Variants in MIS18BP1 observed in about 807,000 individuals in gnomAD.
MIS18BP1 encodes mis18-binding protein 1.
MIS18BP1 carries 72 observed loss-of-function variants against 116.1 expected under a neutral mutation model. That is an observed-to-expected ratio of 0.62 (90% CI 0.51 to 0.75). The LOEUF (loss-of-function observed/expected upper bound fraction) is 0.75, where lower values mean the gene tolerates loss of function less well. Ranked by LOEUF, MIS18BP1 falls within the 30% of genes least tolerant of loss-of-function variation. The probability of loss-of-function intolerance (pLI) is 0.00; values close to 1 mark genes in which losing one functional copy is unlikely to be tolerated. For missense variants in MIS18BP1, 1,363 were observed against 1,303.2 expected (o/e 1.05, Z -0.71); for synonymous variants, 386 against 427.0 (o/e 0.90, Z 1.18).
At chr14:45,248,055 G>A (rs929615461) in intron 1 of MIS18BP1, among the ~76,000 whole-genome samples, 5 of 109,216 alleles carry the variant, frequency 4.6e-5, no homozygotes, top group South Asian at 3.1e-4. Context: ...TGTTTCTTTC[G>A]TTTTTTTTTT....
rs1349932795 is a variant in MIS18BP1, at chr14:45,249,617, T to C, written c.-91-2240A>G. ...TGAGCACAGTGGCTCACGCCTATAA[T>C]CCCAGCACTTTGGGAGGCCAAGGCA... On this transcript the variant is annotated intron_variant, in intron 1 of 16. Coordinates refer to ENST00000310806, the MANE Select transcript of MIS18BP1 (RefSeq NM_018353.5). Among the ~76,000 whole-genome samples the C allele has an allele frequency of 3.3e-5, 5 of 151,794 alleles. No homozygotes were observed. In the East Asian group the frequency reaches 9.9e-4, roughly 30 times the overall value.
chr14:45,216,281 T>C (rs1362424341), intron 13 of MIS18BP1, among the ~76,000 whole-genome samples: 1 of 152,218 alleles, frequency 6.6e-6, no homozygotes, highest in Non-Finnish European at 1.5e-5. Flanking sequence ...AAAGGTACAA[T>C]TCAATTTGTA....
chr14:45,216,620 T>A (rs941688976), intron 13 of MIS18BP1, among the ~76,000 whole-genome samples: 3 of 152,226 alleles, frequency 2.0e-5, no homozygotes, highest in South Asian at 4.1e-4. Context: ...GTTATTCTAC[T>A]CTTCATATGA....
rs893448663 is a variant in MIS18BP1 at position 45,203,963 on chromosome 14, T to C, written c.*146A>G. 13 of 1,215,268 alleles carry C rather than the reference T, an allele frequency of 1.1e-5. No individual in the cohort carries two copies. The highest frequency in any genetic ancestry group is 1.8e-5 in the South Asian group (1 of 55,522). The allele number at this position is 1,215,268 out of a possible 1,614,324, so 75.3% of individuals were successfully genotyped here. On this transcript the variant is annotated 3_prime_UTR_variant, in exon 17 of 17. Coordinates refer to ENST00000310806, the MANE Select transcript of MIS18BP1 (RefSeq NM_018353.5). The stretch of plus-strand genomic sequence containing the variant: ...AGCTGCAGCAATGAGGATATTTTAC[T>C]TTGAACACAAACATATGAAACCTTC...
At chr14:45,229,024 G>C (rs1005438750) in intron 8 of MIS18BP1, among the ~76,000 whole-genome samples, 3 of 150,848 alleles carry the variant, frequency 2.0e-5, no homozygotes, top group Non-Finnish European at 4.4e-5. Flanking sequence ...GTGATATGAA[G>C]ATAGTGTCTA....
intron 2 of MIS18BP1, among the ~76,000 whole-genome samples, chr14:45,246,432 T>C (rs1891723372): frequency 1.3e-5 from 2 of 152,212 alleles, no homozygotes; most frequent in South Asian, 4.1e-4. Flanking sequence ...TTCAATTTTG[T>C]GGGCTCAAAT....
At chr14:45,250,835 A>T (rs1338507012) in intron 1 of MIS18BP1, among the ~76,000 whole-genome samples, 1 of 152,162 alleles carries the variant, frequency 6.6e-6, no homozygotes, top group Admixed American at 6.5e-5. Context: ...CAGGAGATGG[A>T]GACCATCCTG....
chr14:45,247,241 C>T lies in MIS18BP1; in HGVS notation c.46G>A (p.Glu16Lys), dbSNP rs777096351. The T allele has an allele frequency of 1.9e-6, 3 of 1,596,982 alleles. No individual in the cohort carries two copies. Among genetic ancestry groups the T allele is most frequent in the East Asian group, 4.5e-5 (2 of 44,752 alleles). ...AGATTTCTCCTTTGAGAAGATGCCTCTGGAGGTAAGTAAATTCTTGAATGT... is the reference window on the plus strand; with the variant it reads ...AGATTTCTCCTTTGAGAAGATGCCTTTGGAGGTAAGTAAATTCTTGAATGT... The part of the protein sequence containing the change: ...LKHSRIYLPP[E>K]ASSQRRNLPM... Residue 16 changes from glutamate (E) to lysine (K), a missense_variant, in exon 2 of 17, where the codon GAG becomes AAG. By Grantham distance (56) the Glu-to-Lys change is moderately conservative. Transcript: ENST00000310806.
In MIS18BP1 at chr14:45,210,466, T is replaced by C. The variant is rs772109698; in HGVS notation, c.3066A>G (p.Pro1022=). The C allele has an allele frequency of 1.0e-4, 165 of 1,613,980 alleles. No homozygotes were observed. Among genetic ancestry groups the C allele is most frequent in the Non-Finnish European group, 1.3e-4 (158 of 1,179,974 alleles). Residue 1022 remains proline (P), a synonymous_variant, in exon 14 of 17, where the codon CCA becomes CCG. Transcript: ENST00000310806. ...GAAAGATAACTGATGATGGAGTTGT[T>C]GGATTTTTGTCCATATTTGGCAGAA... ...DDILPNMDKN[P]TTPSSVIFPL... is the part of the protein sequence containing the mutation.
At chr14:45,212,367 T>C (rs62000281) in intron 13 of MIS18BP1, among the ~76,000 whole-genome samples, 20,446 of 152,128 alleles carry the variant, frequency 0.13, 1,580 homozygotes, top group Middle Eastern at 0.27. Flanking sequence ...CAGCTGGAAA[T>C]AGCTAACCTT....
At chr14:45,209,344 T>G (rs1446515862) in intron 14 of MIS18BP1, among the ~76,000 whole-genome samples, 1 of 152,140 alleles carries the variant, frequency 6.6e-6, no homozygotes, top group Non-Finnish European at 1.5e-5. Context: ...CTTTTTTTTT[T>G]GAGACAGGAT....
chr14:45,231,685 G>T (rs1218965944), intron 7 of MIS18BP1, among the ~76,000 whole-genome samples: 1 of 152,188 alleles, frequency 6.6e-6, no homozygotes, highest in Admixed American at 6.5e-5. Context: ...TACAAAGGCA[G>T]AGTTGAATAG....
intron 13 of MIS18BP1, among the ~76,000 whole-genome samples, chr14:45,214,893 A>C (rs975438067): frequency 2.0e-5 from 3 of 152,182 alleles, no homozygotes; most frequent in African/African-American, 7.2e-5. Context: ...CTGGGATTAC[A>C]GGTGCCCACC....
chr14:45,226,757 TTTA>T lies in MIS18BP1; in HGVS notation c.1823_1825del (p.Ile608del). 1 of 1,396,656 alleles carries T rather than the reference TTTA, an allele frequency of 7.2e-7. No homozygotes were observed. The allele number at this position is 1,396,656 out of a possible 1,614,324, so 86.5% of individuals were successfully genotyped here. A position where few individuals can be genotyped will look rare whatever the true frequency, so the allele number is the denominator to read the frequency against. On this transcript the variant is annotated inframe_deletion, in exon 10 of 17. Coordinates refer to ENST00000310806, the MANE Select transcript of MIS18BP1 (RefSeq NM_018353.5). ...AGATATATTACCTTGCTTCTGACTT[TTTA>T]TTATCCTTTCATTTGTTCTTTCACC...
Position 45,236,758 on chromosome 14 carries a change from T to C in MIS18BP1, c.1218-814A>G, listed in dbSNP as rs534469858. 1.2e-4 allele frequency among the ~76,000 whole-genome samples: 18 copies of C among 152,340 alleles called. No individual in the cohort carries two copies. In the South Asian group the frequency reaches 3.7e-3, roughly 32 times the overall value. On this transcript the variant is annotated intron_variant, in intron 5 of 16. Transcript: ENST00000310806. The stretch of plus-strand genomic sequence containing the variant: ...TGTTCTCTAGCCTTTCATTTAATCC[T>C]CAGCACAACTAACTAGGTAAGTAAT...
chr14:45,244,837 C>T (rs931279190), intron 2 of MIS18BP1, among the ~76,000 whole-genome samples: 7 of 152,244 alleles, frequency 4.6e-5, no homozygotes, highest in African/African-American at 9.6e-5. Context: ...TCTGTGTAAA[C>T]GGCTTTCTTT....
chr14:45,247,095 T>C lies in MIS18BP1; in HGVS notation c.192A>G (p.Leu64=), dbSNP rs770946533. ...TTTTATTGTTAAAAGTTGTCATTTT[T>C]AGGAACTGATTCTTTTTATGGTCAT... ...KLNDHKKNQF[L]KMTTFNNKNI... is the part of the protein sequence containing the mutation. Residue 64 remains leucine (L), a synonymous_variant, in exon 2 of 17, where the codon CTA becomes CTG. Coordinates refer to ENST00000310806, the MANE Select transcript of MIS18BP1 (RefSeq NM_018353.5). The C allele has an allele frequency of 1.9e-6, 3 of 1,612,300 alleles. No individual in the cohort carries two copies. Among genetic ancestry groups the C allele is most frequent in the South Asian group, 1.1e-5 (1 of 90,588 alleles).
chr14:45,232,354 T>C (rs1235113929), intron 7 of MIS18BP1, among the ~76,000 whole-genome samples: 9 of 146,940 alleles, frequency 6.1e-5, no homozygotes, highest in African/African-American at 1.6e-4. Context: ...GAGGCGGAGC[T>C]TGCAATGAGC....
chr14:45,227,915 G>A (rs1165715230), intron 8 of MIS18BP1, 101 bp from the exon 9 acceptor site: 11 of 1,199,748 alleles, frequency 9.2e-6, no homozygotes, highest in Admixed American at 6.4e-5. Flanking sequence ...GGTGGCTCAC[G>A]CCTGTAATCC....
Sources: gnomAD v4.1 joint callset for allele counts (sites outside exome capture counted in the v4.1 genomes callset) on GRCh38, gnomAD v4.1.1 for gene constraint, MANE v1.5 for transcripts, NCBI Gene and HGNC (gene_info 2026-07-23, HGNC 2026-07-21) for gene names.